Variants in GFRA2 observed in about 807,000 individuals in gnomAD.
The protein encoded by GFRA2 is GDNF family receptor alpha 2, also known as GDNF family receptor alpha-2.
Under a neutral mutation model 48.3 loss-of-function variants are expected in GFRA2, and 17 were observed. That is an observed-to-expected ratio of 0.35 (90% CI 0.24 to 0.53). The LOEUF is 0.53. GFRA2 is among the 20% of genes least tolerant of loss of function. GFRA2 has a pLI of 0.93. For missense variants in GFRA2, 660 were observed against 637.3 expected, an observed-to-expected ratio of 1.04 and a Z score of -0.38; for synonymous variants, 305 against 257.2, an observed-to-expected ratio of 1.19 and a Z score of -1.78.
intron 7 of GFRA2, among the ~76,000 whole-genome samples, chr8:21,696,916 C>T (rs1473724627): frequency 4.3e-5 from 4 of 93,580 alleles, no homozygotes; most frequent in Admixed American, 1.5e-4. Flanking sequence ...GGAGAGGGGA[C>T]ATAGTAGAGG....
intron 3 of GFRA2, among the ~76,000 whole-genome samples, chr8:21,754,070 C>T (rs55958333): frequency 0.3 from 44,975 of 152,172 alleles, 6,758 homozygotes; most frequent in Middle Eastern, 0.49. Context: ...CTGACCACCC[C>T]ACACATAGTA....
chr8:21,708,387 G>A (rs1466799616), intron 4 of GFRA2, among the ~76,000 whole-genome samples: 1 of 152,206 alleles, frequency 6.6e-6, no homozygotes. Flanking sequence ...GAGAGGGGAA[G>A]GTGGGAGTCT....
At chr8:21,808,931 T>A (rs1563273520) in intron 1 of GFRA2, among the ~76,000 whole-genome samples, 1 of 152,266 alleles carries the variant, frequency 6.6e-6, no homozygotes, top group Non-Finnish European at 1.5e-5. Flanking sequence ...TCACATATTA[T>A]TTATTTCTAC....
chr8:21,794,498 G>A lies in GFRA2; in HGVS notation c.-35-6304C>T, dbSNP rs201972602. ...ACTCTTGACCTCAGGTGATCCACCC[G>A]CCTTGGCCTCCCAAAGTGCTGGGAT... is the stretch of plus-strand genomic sequence containing the variant. On this transcript the variant is annotated intron_variant, in intron 2 of 10. Coordinates refer to the GFRA2 transcript ENST00000517328. 5.5e-3 allele frequency among the ~76,000 whole-genome samples: 836 copies of A among 152,080 alleles called. 28 individuals are homozygous for A. Among genetic ancestry groups the A allele is most frequent in the Admixed American group, 0.045 (691 of 15,282 alleles).
At chr8:21,730,753 C>G (rs1466661267) in intron 4 of GFRA2, among the ~76,000 whole-genome samples, 2 of 152,200 alleles carry the variant, frequency 1.3e-5, no homozygotes, top group Non-Finnish European at 2.9e-5. Context: ...CAAGGTCCCA[C>G]CTCCCAGGGC....
intron 2 of GFRA2, among the ~76,000 whole-genome samples, 184 bp downstream of exon 2, chr8:21,782,401 C>T (rs1191122583): frequency 2.0e-5 from 3 of 151,090 alleles, no homozygotes; most frequent in Non-Finnish European, 2.9e-5. Flanking sequence ...CTTTTCCAAA[C>T]AATGCCACCC....
At chr8:21,694,618 C>CGCTGGCTGT in intron 7 of GFRA2, 101 bp from the exon 8 acceptor site, 1 of 1,064,850 alleles carries the variant, frequency 9.4e-7, no homozygotes, top group Non-Finnish European at 1.4e-6. Flanking sequence ...CTGTTGGCTC[C>CGCTGGCTGT]GCTAAGCACA....
At chr8:21,792,234 C>T (rs1807585605), upstream of GFRA2, among the ~76,000 whole-genome samples, 1 of 152,256 alleles carries the variant, frequency 6.6e-6, no homozygotes, top group African/African-American at 2.4e-5. Context: ...CACACGCACA[C>T]ATGCGCACCT....
chr8:21,775,043 T>C lies in GFRA2; in HGVS notation c.368A>G (p.Tyr123Cys). Residue 123 changes from tyrosine (Y) to cysteine (C), a missense_variant, in exon 3 of 9, where the codon TAC becomes TGC. Transcript: ENST00000524240. ...CACCGGCTCATAGGGGGAGGCTTCG[T>C]AGAACTCCTCACCTGGAAGACAGAA... ...HLGLTEGEEF[Y>C]EASPYEPVTS... 6.3e-7 allele frequency: 1 copy of C among 1,581,642 alleles called. No homozygotes were observed. The highest frequency in any genetic ancestry group is 8.7e-7 in the Non-Finnish European group (1 of 1,150,986).
chr8:21,791,963 T>G (rs1807581029), upstream of GFRA2, among the ~76,000 whole-genome samples: 1 of 152,226 alleles, frequency 6.6e-6, no homozygotes. Flanking sequence ...CATTCCGTAG[T>G]GCCTGAGTCC....
intron 4 of GFRA2, among the ~76,000 whole-genome samples, chr8:21,709,960 G>A (rs1802934818): frequency 1.3e-5 from 2 of 152,208 alleles, no homozygotes; most frequent in African/African-American, 4.8e-5. Flanking sequence ...CACAAGGAGA[G>A]CAGGGCCATA....
intron 1 of GFRA2, among the ~76,000 whole-genome samples, chr8:21,786,789 G>A (rs1807292293): frequency 6.6e-6 from 1 of 152,144 alleles, no homozygotes; most frequent in African/African-American, 2.4e-5. Context: ...ATCCTAGTCT[G>A]GCGAGCACTT....
chr8:21,796,256 C>G (rs1347803217), intron 2 of GFRA2, among the ~76,000 whole-genome samples: 4 of 152,236 alleles, frequency 2.6e-5, no homozygotes, highest in Non-Finnish European at 5.9e-5. Flanking sequence ...AGAAACCTCA[C>G]AGCTTCTCTT....
intron 4 of GFRA2, among the ~76,000 whole-genome samples, chr8:21,718,653 T>C (rs971442849): frequency 2.6e-5 from 4 of 152,192 alleles, no homozygotes; most frequent in African/African-American, 9.7e-5. Context: ...CTCTCTGACC[T>C]ATTAACAAGC....
At chr8:21,748,954 T>C (rs1364152557) in intron 4 of GFRA2, among the ~76,000 whole-genome samples, 1 of 152,154 alleles carries the variant, frequency 6.6e-6, no homozygotes, top group Non-Finnish European at 1.5e-5. Flanking sequence ...TCCTCCTTGT[T>C]TCCCAAGGCT....
intron 1 of GFRA2, among the ~76,000 whole-genome samples, chr8:21,807,495 G>A (rs73219565): frequency 0.046 from 7,050 of 152,300 alleles, 218 homozygotes; most frequent in Non-Finnish European, 0.069. Flanking sequence ...CAGCTTCCAT[G>A]ACAAAGTACT....
rs148425323 is a variant in GFRA2 at position 21,739,048 on chromosome 8, C to A, written c.794+11540G>T. ...CTCATCAGGATTCTTCTCCTGGGCA[C>A]GTCCCAGAGATCACAGTGCACCCCC... On this transcript the variant is annotated intron_variant, in intron 4 of 8. Coordinates refer to ENST00000524240, the MANE Select transcript of GFRA2 (RefSeq NM_001495.5). Among the ~76,000 whole-genome samples, 106 of 152,158 alleles carry A rather than the reference C, an allele frequency of 7.0e-4. 1 individual carries two copies. Among genetic ancestry groups the A allele is most frequent in the Non-Finnish European group, 1.3e-3 (90 of 68,036 alleles).
At chr8:21,714,754 GCA>G (rs1380281096) in intron 4 of GFRA2, among the ~76,000 whole-genome samples, 6 of 152,070 alleles carry the variant, frequency 3.9e-5, no homozygotes, top group African/African-American at 1.4e-4. Context: ...AGGCTGGATC[GCA>G]CAGTCACACA....
intron 4 of GFRA2, among the ~76,000 whole-genome samples, chr8:21,714,243 G>GTTTT (rs1385783305): frequency 4.3e-5 from 2 of 46,042 alleles, no homozygotes; most frequent in South Asian, 6.0e-4. Flanking sequence ...CTGGTCTGAA[G>GTTTT]TTCTTTTTTT....
Sources: gnomAD v4.1 joint callset for allele counts (sites outside exome capture counted in the v4.1 genomes callset) on GRCh38, gnomAD v4.1.1 for gene constraint, MANE v1.5 for transcripts, NCBI Gene and HGNC (gene_info 2026-07-23, HGNC 2026-07-21) for gene names.